Variants in SLC37A1 observed in about 807,000 individuals in gnomAD.
SLC37A1 encodes the protein glucose-6-phosphate exchanger SLC37A1.
A neutral mutation model predicts 75.3 loss-of-function variants in SLC37A1; 49 were observed. The observed-to-expected ratio is 0.65, with a 90% CI of 0.52 to 0.83. The LOEUF (loss-of-function observed/expected upper bound fraction) is 0.83. Among genes scored for constraint, SLC37A1 ranks in the 40% least tolerant of loss-of-function variants. SLC37A1 has a pLI of 0.00. For missense variants in SLC37A1, 566 were observed against 695.0 expected, an observed-to-expected ratio of 0.81 and a Z score of 2.09; for synonymous variants, 268 against 292.1, an observed-to-expected ratio of 0.92 and a Z score of 0.84.
intron 1 of SLC37A1, among the ~76,000 whole-genome samples, chr21:42,516,391 C>G (rs555240496): frequency 6.6e-6 from 1 of 152,296 alleles, no homozygotes; most frequent in South Asian, 2.1e-4. Flanking sequence ...AAAGAACGCC[C>G]TGCCTCTTCA....
At chr21:42,579,821 G>A (rs2056386210) in intron 19 of SLC37A1, 21 bp downstream of exon 19, 1 of 1,613,276 alleles carries the variant, frequency 6.2e-7, no homozygotes, top group Non-Finnish European at 8.5e-7. Context: ...CTCGGGCCCT[G>A]TCTCCGTGCG....
At position 42,548,306 on chromosome 21, in the gene SLC37A1, C is replaced by T. The variant is rs945325649; in HGVS notation, c.768+1166C>T. Among the ~76,000 whole-genome samples, 4 of 152,170 alleles carry T rather than the reference C, an allele frequency of 2.6e-5. No homozygotes were observed. The highest frequency in any genetic ancestry group is 7.2e-5 in the African/African-American group (3 of 41,430). ...GTCTCACCACCACTCAACCTTCCCA[C>T]GGAGATGTCTGAGTGTCCTTCAGAC... On this transcript the variant is annotated intron_variant, in intron 9 of 19. Transcript: ENST00000352133. This position sits in a 1 kb window ranked among gnomAD's most constrained non-coding sequence, Gnocchi z 5.6.
At chr21:42,526,506 C>T (rs1179335131) in intron 3 of SLC37A1, among the ~76,000 whole-genome samples, 1 of 152,150 alleles carries the variant, frequency 6.6e-6, no homozygotes, top group African/African-American at 2.4e-5. Context: ...CATTCACAGC[C>T]CAGTGGCCCC....
In SLC37A1 at chr21:42,579,786, G is replaced by T. The variant is rs149947371; in HGVS notation, c.1572G>T (p.Thr524=). The T allele has an allele frequency of 6.2e-7, 1 of 1,614,010 alleles. No individual in the cohort carries two copies. Among genetic ancestry groups the T allele is most frequent in the African/African-American group, 1.3e-5 (1 of 74,924 alleles). ...HKELSCPGSA[T]GDQVPFKEQ is the part of the protein sequence containing the mutation. ...AGCTGAGCTGCCCAGGGTCAGCTAC[G>T]GGGGACCAAGTTCCGTAAGTCCCAC... Residue 524 remains threonine, a synonymous_variant, in exon 19 of 20, where the codon ACG becomes ACT. Transcript: ENST00000352133.
At chr21:42,517,727 G>A (rs1377613361) in intron 1 of SLC37A1, among the ~76,000 whole-genome samples, 1 of 152,186 alleles carries the variant, frequency 6.6e-6, no homozygotes, top group Non-Finnish European at 1.5e-5. Context: ...CCTCTGAGGT[G>A]ACCACAGGAG....
At chr21:42,515,971 C>T (rs2054514635) in intron 1 of SLC37A1, among the ~76,000 whole-genome samples, 1 of 152,154 alleles carries the variant, frequency 6.6e-6, no homozygotes, top group Admixed American at 6.5e-5. Context: ...ATTGGCCATG[C>T]TGGTCTCGAA....
intron 15 of SLC37A1, among the ~76,000 whole-genome samples, chr21:42,566,497 C>G (rs1266723165): frequency 6.6e-6 from 1 of 152,250 alleles, no homozygotes; most frequent in African/African-American, 2.4e-5. Context: ...AATGAGCCAG[C>G]AGTGGGGATG....
Position 42,580,516 on chromosome 21 carries a change from C to A in SLC37A1, c.*156C>A. On this transcript the variant is annotated 3_prime_UTR_variant, in exon 20 of 20. Coordinates refer to ENST00000352133, the MANE Select transcript of SLC37A1 (RefSeq NM_001320537.2). ...GACACAGAAGCCAACCTGAGAACCC[C>A]TGGTGCTATTTTAAAGGAGACATAT... The A allele has an allele frequency of 1.4e-6, 1 of 737,762 alleles. No individual in the cohort carries two copies. Among genetic ancestry groups the A allele is most frequent in the Non-Finnish European group, 2.2e-6 (1 of 454,258 alleles). 45.7% of individuals were successfully genotyped at this position (737,762 alleles called of 1,614,324 possible).
intron 2 of SLC37A1, among the ~76,000 whole-genome samples, chr21:42,523,897 C>CT (rs11450148): frequency 0.59 from 87,793 of 148,636 alleles, 26,355 homozygotes; most frequent in African/African-American, 0.71. Flanking sequence ...GAAATATGGC[C>CT]TTTTTTTTTT....
chr21:42,524,793 C>T (rs2054738425), intron 2 of SLC37A1, among the ~76,000 whole-genome samples: 1 of 152,220 alleles, frequency 6.6e-6, no homozygotes, highest in African/African-American at 2.4e-5. Flanking sequence ...CTTTTGGTCT[C>T]TGGCCCTGGT....
chr21:42,547,207 T>C lies in SLC37A1; in HGVS notation c.768+67T>C. Reference sequence around the variant, plus strand: ...GGTTCTGACCACTTCCCCAGCCTGCTCCTGCCTGTGCGGTGTCAGACAGAA... The same window carrying C: ...GGTTCTGACCACTTCCCCAGCCTGCCCCTGCCTGTGCGGTGTCAGACAGAA... On this transcript the variant is annotated intron_variant, in intron 9 of 19. Coordinates refer to ENST00000352133, the MANE Select transcript of SLC37A1 (RefSeq NM_001320537.2). The surrounding 1 kb of genome is among the most constrained non-coding windows in gnomAD (Gnocchi z 6.1). The C allele has an allele frequency of 6.3e-7, 1 of 1,575,066 alleles. No individual in the cohort carries two copies. The highest frequency in any genetic ancestry group is 8.7e-7 in the Non-Finnish European group (1 of 1,144,530).
intron 14 of SLC37A1, 139 bp downstream of exon 14, chr21:42,564,932 C>A: frequency 1.4e-6 from 1 of 738,664 alleles, no homozygotes; most frequent in Non-Finnish European, 2.2e-6. Flanking sequence ...TGCCTCCTGT[C>A]CCCCGACCCC....
intron 18 of SLC37A1, chr21:42,575,147 C>G: frequency 1.0e-6 from 1 of 985,458 alleles, no homozygotes; most frequent in African/African-American, 1.7e-5. Context: ...AGCACAAAGG[C>G]CAGGAGCGTG....
In SLC37A1 at chr21:42,552,453, C is replaced by T. The variant is rs2055581443; in HGVS notation, c.769-1609C>T. On this transcript the variant is annotated intron_variant, in intron 9 of 19. Transcript: ENST00000352133. This position sits in a 1 kb window ranked among gnomAD's most constrained non-coding sequence, Gnocchi z 4.2. ...GTGTGCGTGTTGAGTGTCAGGGACACAGACTCCTCTTGTCTTTTCGTTCTT... is the reference window on the plus strand; with the variant it reads ...GTGTGCGTGTTGAGTGTCAGGGACATAGACTCCTCTTGTCTTTTCGTTCTT... 6.6e-6 allele frequency among the ~76,000 whole-genome samples: 1 copy of T among 152,236 alleles called. No homozygotes were observed. The highest frequency in any genetic ancestry group is 2.4e-5 in the African/African-American group (1 of 41,462).
chr21:42,558,656 CAAT>C (rs753724452), intron 10 of SLC37A1, among the ~76,000 whole-genome samples: 42 of 152,272 alleles, frequency 2.8e-4, no homozygotes, highest in African/African-American at 9.9e-4. Context: ...TATTTTTTCT[CAAT>C]GATGATGTGA....
At chr21:42,556,947 C>G (rs2055706113) in intron 10 of SLC37A1, among the ~76,000 whole-genome samples, 1 of 152,136 alleles carries the variant, frequency 6.6e-6, no homozygotes, top group African/African-American at 2.4e-5. Flanking sequence ...CTCGGGGGCT[C>G]CTTGCTGCTT....
chr21:42,556,891 GT>G (rs1644995682), intron 10 of SLC37A1, among the ~76,000 whole-genome samples: 1 of 152,050 alleles, frequency 6.6e-6, no homozygotes, highest in Non-Finnish European at 1.5e-5. Flanking sequence ...ATGAGTGGCT[GT>G]GAGCACAGGG....
At chr21:42,565,621 G>A (rs1228268498) in intron 14 of SLC37A1, among the ~76,000 whole-genome samples, 1 of 152,232 alleles carries the variant, frequency 6.6e-6, no homozygotes, top group African/African-American at 2.4e-5. Context: ...GGTCGCCTGG[G>A]GTGCTTGGTC....
intron 3 of SLC37A1, among the ~76,000 whole-genome samples, chr21:42,526,409 C>G (rs971422264): frequency 1.3e-5 from 2 of 152,212 alleles, no homozygotes; most frequent in African/African-American, 2.4e-5. Context: ...GATTACGTCA[C>G]CCGGCCTGTA....
Sources: gnomAD v4.1 joint callset for allele counts (sites outside exome capture counted in the v4.1 genomes callset) on GRCh38, gnomAD v4.1.1 for gene constraint, Gnocchi (gnomAD v3.1) non-coding constraint, MANE v1.5 for transcripts, NCBI Gene and HGNC (gene_info 2026-07-23, HGNC 2026-07-21) for gene names.